RBFOX1: variants seen among roughly 807,000 people sequenced by gnomAD.
RBFOX1 encodes the protein RNA binding protein fox-1 homolog 1.
In RBFOX1, 8 loss-of-function variants were observed where a neutral mutation model predicts 57.7. The ratio of observed to expected loss-of-function variants is 0.14; its 90% CI spans 0.08 to 0.25. The LOEUF (loss-of-function observed/expected upper bound fraction) is 0.25, where lower values mean the gene tolerates loss of function less well. Ranked by LOEUF, RBFOX1 falls within the 10% of genes least tolerant of loss-of-function variation. The pLI, the probability that RBFOX1 is intolerant of heterozygous loss-of-function variation, is 1.00. For synonymous variants in RBFOX1, 326 were observed against 222.4 expected (o/e 1.47, Z -4.15); for missense variants, 611 against 548.5 (o/e 1.11, Z -1.14).
chr16:6,677,435 C>A (rs566990683), intron 3 of RBFOX1, among the ~76,000 whole-genome samples: 8 of 152,102 alleles, frequency 5.3e-5, no homozygotes, highest in Non-Finnish European at 1.0e-4. Flanking sequence ...GATCCATGGA[C>A]TTATTGCCCC....
intron 4 of RBFOX1, among the ~76,000 whole-genome samples, chr16:5,963,372 T>C (rs1008357773): frequency 6.6e-6 from 1 of 152,208 alleles, no homozygotes; most frequent in Non-Finnish European, 1.5e-5. Flanking sequence ...TGGAGTGTTA[T>C]ACGCCAGGTT....
At chr16:6,701,707 C>T (rs949337484) in intron 3 of RBFOX1, among the ~76,000 whole-genome samples, 3 of 152,128 alleles carry the variant, frequency 2.0e-5, no homozygotes, top group Non-Finnish European at 2.9e-5. Context: ...AACCTGAATG[C>T]CCATCAGCAG....
At position 6,930,436 on chromosome 16, in the gene RBFOX1, G is replaced by T. The variant is rs114590415; in HGVS notation, c.-15-121621G>T. 4.3e-3 allele frequency among the ~76,000 whole-genome samples: 655 copies of T among 152,224 alleles called. 3 individuals are homozygous for T. The highest frequency in any genetic ancestry group is 0.015 in the African/African-American group (615 of 41,538). On this transcript the variant is annotated intron_variant, in intron 3 of 15. Coordinates refer to ENST00000550418, the MANE Select transcript of RBFOX1 (RefSeq NM_018723.4). ...TTATTGTTGTTATTGTTGAGAAACA[G>T]TCTCACTCTGTCACCCAGGCTGGAG...
intron 4 of RBFOX1, among the ~76,000 whole-genome samples, chr16:7,460,635 T>A (rs1419007534): frequency 6.6e-6 from 1 of 150,792 alleles, no homozygotes; most frequent in Non-Finnish European, 1.5e-5. Flanking sequence ...AATATCTGAG[T>A]GATGAAATAA....
Position 6,775,329 on chromosome 16 carries a change from CAAAA to C in RBFOX1, c.-16+120699_-16+120702del, listed in dbSNP as rs371277644. Among the ~76,000 whole-genome samples the C allele has an allele frequency of 2.5e-4, 17 of 67,336 alleles. 1 individual carries two copies. In the East Asian group the frequency reaches 2.7e-3, roughly 11 times the overall value. 44.2% of individuals were successfully genotyped at this position (67,336 alleles called of 152,430 possible). On this transcript the variant is annotated intron_variant, in intron 3 of 15. Coordinates refer to ENST00000550418, the MANE Select transcript of RBFOX1 (RefSeq NM_018723.4). ...TGGGCGATACAGCGAGACTCTGTCT[CAAAA>C]AAAAAAAAAAAAAAAAAAAGTAGAC...
intron 3 of RBFOX1, among the ~76,000 whole-genome samples, chr16:5,860,990 G>A (rs904295745): frequency 6.6e-6 from 1 of 152,186 alleles, no homozygotes; most frequent in Non-Finnish European, 1.5e-5. Flanking sequence ...GTTTCCTGAA[G>A]GCTAAAGGGA....
chr16:6,767,801 C>A (rs1230295910), intron 3 of RBFOX1, among the ~76,000 whole-genome samples: 1 of 151,732 alleles, frequency 6.6e-6, no homozygotes, highest in Non-Finnish European at 1.5e-5. Context: ...GTAATCCCAG[C>A]TACTCAGGAG....
At chr16:6,131,865 G>A (rs1024760691) in intron 1 of RBFOX1, among the ~76,000 whole-genome samples, 22 of 152,130 alleles carry the variant, frequency 1.4e-4, no homozygotes, top group Non-Finnish European at 2.2e-4. Context: ...CTCTGTAGGC[G>A]GCTGTTTGAG....
At chr16:7,048,376 C>A (rs1250658490) in intron 3 of RBFOX1, among the ~76,000 whole-genome samples, 3 of 152,086 alleles carry the variant, frequency 2.0e-5, no homozygotes, top group African/African-American at 7.2e-5. Flanking sequence ...TTTCCTGCCT[C>A]AGCCTCCCTA....
intron 4 of RBFOX1, among the ~76,000 whole-genome samples, chr16:5,939,895 G>C (rs576544440): frequency 6.6e-6 from 1 of 152,278 alleles, no homozygotes; most frequent in African/African-American, 2.4e-5. Context: ...AAGTGAGTAG[G>C]CTTCACAGTC....
chr16:6,082,598 CT>C (rs939395132), intron 1 of RBFOX1, among the ~76,000 whole-genome samples: 1 of 151,936 alleles, frequency 6.6e-6, no homozygotes, highest in African/African-American at 2.4e-5. Context: ...TCTTTATCCC[CT>C]TGACCAGGTT....
chr16:5,355,481 C>G (rs1438457080), intron 1 of RBFOX1, among the ~76,000 whole-genome samples: 2 of 152,160 alleles, frequency 1.3e-5, no homozygotes, highest in Non-Finnish European at 2.9e-5. Flanking sequence ...TTTGCTGGCT[C>G]AAGGCCCGGG....
At chr16:5,325,206 C>T (rs2064533896) in intron 1 of RBFOX1, among the ~76,000 whole-genome samples, 1 of 152,088 alleles carries the variant, frequency 6.6e-6, no homozygotes, top group East Asian at 1.9e-4. Context: ...TTTCTCTCTT[C>T]CCCTTCCCTC....
At chr16:6,339,091 G>A (rs72778234) in intron 2 of RBFOX1, among the ~76,000 whole-genome samples, 1,529 of 152,210 alleles carry the variant, frequency 0.01, 12 homozygotes, top group African/African-American at 0.028. Flanking sequence ...CAGTGAAAGC[G>A]GGCAGAAAAC....
intron 3 of RBFOX1, among the ~76,000 whole-genome samples, chr16:5,857,668 T>C (rs1246710944): frequency 6.6e-6 from 1 of 152,050 alleles, no homozygotes; most frequent in Non-Finnish European, 1.5e-5. Context: ...TAGAAAATGT[T>C]CCCAGCATTT....
At chr16:7,159,745 A>G (rs1380104182) in intron 4 of RBFOX1, among the ~76,000 whole-genome samples, 1 of 152,256 alleles carries the variant, frequency 6.6e-6, no homozygotes, top group Admixed American at 6.5e-5. Context: ...AGACCCAGAA[A>G]TTTCTGTCTT....
At chr16:6,095,743 G>A (rs2096238145) in intron 1 of RBFOX1, among the ~76,000 whole-genome samples, 1 of 152,096 alleles carries the variant, frequency 6.6e-6, no homozygotes, top group Non-Finnish European at 1.5e-5. Flanking sequence ...TGAGACAGCA[G>A]AGAAAGTCCA....
At chr16:7,692,040 A>G (rs890662777) in intron 14 of RBFOX1, among the ~76,000 whole-genome samples, 6 of 152,128 alleles carry the variant, frequency 3.9e-5, no homozygotes, top group African/African-American at 1.4e-4. Context: ...CAACCAAAAT[A>G]TCTCCTTTGT....
intron 2 of RBFOX1, among the ~76,000 whole-genome samples, chr16:6,432,464 G>A (rs1466526254): frequency 6.6e-6 from 1 of 150,992 alleles, no homozygotes; most frequent in African/African-American, 2.4e-5. Flanking sequence ...CTGAGGTCAG[G>A]AGTTCAAGAC....
Sources: allele counts gnomAD v4.1 joint callset (sites outside exome capture counted in the v4.1 genomes callset), GRCh38; gene constraint gnomAD v4.1.1; transcripts MANE v1.5; gene names NCBI Gene and HGNC (gene_info 2026-07-23, HGNC 2026-07-21).